The following RABEP1 variants were observed in gnomAD, a reference collection of about 807,000 sequenced individuals.
The protein encoded by RABEP1 is rab GTPase-binding effector protein 1.
In RABEP1, 51 loss-of-function variants were observed where a neutral mutation model predicts 123.4. The ratio of observed to expected loss-of-function variants is 0.41; its 90% CI spans 0.33 to 0.52. The LOEUF (loss-of-function observed/expected upper bound fraction) is 0.52. Among genes scored for constraint, RABEP1 ranks in the 20% least tolerant of loss-of-function variants. RABEP1 has a pLI of 0.16. For missense variants in RABEP1, 888 were observed against 996.3 expected (o/e 0.89, Z 1.46); for synonymous variants, 347 against 355.2 (o/e 0.98, Z 0.26).
intron 8 of RABEP1, among the ~76,000 whole-genome samples, chr17:5,359,738 G>C (rs1279685178): frequency 6.6e-6 from 1 of 152,016 alleles, no homozygotes; most frequent in African/African-American, 2.4e-5. Flanking sequence ...GTATTCCACA[G>C]TCTCCTCTGG....
At chr17:5,343,924 C>T (rs1252677692) in intron 5 of RABEP1, among the ~76,000 whole-genome samples, 5 of 151,988 alleles carry the variant, frequency 3.3e-5, no homozygotes, top group Admixed American at 6.6e-5. Flanking sequence ...GATCCACTCA[C>T]CTTGGCCTCC....
intron 1 of RABEP1, among the ~76,000 whole-genome samples, chr17:5,303,700 G>T (rs957614508): frequency 1.7e-4 from 26 of 152,122 alleles, no homozygotes; most frequent in African/African-American, 6.3e-4. Context: ...AAAGGTTTTG[G>T]TCGTAGTAAA....
In RABEP1 at chr17:5,332,085, A is replaced by G. The variant is rs1906599398; in HGVS notation, c.300A>G (p.Gln100=). The change falls in exon 3 of 18, where the codon CAA becomes CAG. Residue 100 remains glutamine (Q), a synonymous_variant. Coordinates refer to ENST00000537505, the MANE Select transcript of RABEP1 (RefSeq NM_004703.6). ...CCACAGTCTCTGAGAACACCAAGCA[A>G]GAAGCTATAGATGAAGTGAAAAGAC... ...AIATVSENTK[Q]EAIDEVKRQW... The G allele has an allele frequency of 6.2e-7, 1 of 1,614,048 alleles. No homozygotes were observed. Among genetic ancestry groups the G allele is most frequent in the African/African-American group, 1.3e-5 (1 of 74,928 alleles).
intron 1 of RABEP1, among the ~76,000 whole-genome samples, chr17:5,304,043 A>G (rs1051240284): frequency 7.1e-6 from 1 of 140,814 alleles, no homozygotes; most frequent in Non-Finnish European, 1.6e-5. Flanking sequence ...TCAAAAAAAA[A>G]AAATAAATAA....
Position 5,383,105 on chromosome 17 carries a change from C to T in RABEP1, c.2488-17C>T, listed in dbSNP as rs769540197. The T allele has an allele frequency of 3.1e-6, 5 of 1,609,860 alleles. No individual in the cohort carries two copies. The highest frequency in any genetic ancestry group is 3.3e-4 in the Middle Eastern group (2 of 6,052). ...AGGCAGGAGCCACCTGTAGTTATCT[C>T]ACCATTGTTTCTCCAGGTGCAGTTA... On this transcript the variant is annotated splice_polypyrimidine_tract_variant and intron_variant, in intron 17 of 17. Coordinates refer to ENST00000537505, the MANE Select transcript of RABEP1 (RefSeq NM_004703.6).
chr17:5,287,147 G>T (rs1296266020), intron 1 of RABEP1, among the ~76,000 whole-genome samples: 1 of 152,208 alleles, frequency 6.6e-6, no homozygotes, highest in Non-Finnish European at 1.5e-5. Flanking sequence ...GGTGGAGGCA[G>T]ATCTTCTTGG....
At chr17:5,297,565 T>TA (rs1478025373) in intron 1 of RABEP1, among the ~76,000 whole-genome samples, 2 of 152,226 alleles carry the variant, frequency 1.3e-5, no homozygotes, top group Admixed American at 6.5e-5. Context: ...ATCAATAGGT[T>TA]AGCTTAATCT....
chr17:5,360,099 C>T (rs536586039), intron 8 of RABEP1, among the ~76,000 whole-genome samples: 2 of 152,202 alleles, frequency 1.3e-5, no homozygotes, highest in Non-Finnish European at 2.9e-5. Context: ...AGTCACTCGC[C>T]ATTTTCCCTT....
chr17:5,382,573 G>T (rs536957966), intron 17 of RABEP1, among the ~76,000 whole-genome samples: 2 of 150,602 alleles, frequency 1.3e-5, no homozygotes, highest in African/African-American at 4.9e-5. Flanking sequence ...ACAATATGGT[G>T]AAACCCCGTC....
At chr17:5,379,803 C>G (rs755585838) in intron 15 of RABEP1, among the ~76,000 whole-genome samples, 1 of 152,124 alleles carries the variant, frequency 6.6e-6, no homozygotes, top group Non-Finnish European at 1.5e-5. Context: ...GTGGAAAGCC[C>G]TCCCGTAGTT....
chr17:5,297,978 C>A (rs899651939), intron 1 of RABEP1, among the ~76,000 whole-genome samples: 1 of 152,234 alleles, frequency 6.6e-6, no homozygotes, highest in African/African-American at 2.4e-5. Context: ...CTTAAGACTT[C>A]TCTTTCCTCT....
intron 1 of RABEP1, among the ~76,000 whole-genome samples, chr17:5,286,787 TAA>T (rs2074982528): frequency 6.6e-6 from 1 of 152,166 alleles, no homozygotes; most frequent in African/African-American, 2.4e-5. Flanking sequence ...AAACGGATAT[TAA>T]ACAACAAACG....
At chr17:5,355,130 C>T (rs1269298125) in intron 8 of RABEP1, among the ~76,000 whole-genome samples, 1 of 152,216 alleles carries the variant, frequency 6.6e-6, no homozygotes. Context: ...TTAAGTGCAG[C>T]TGCAGTCAGG....
intron 3 of RABEP1, among the ~76,000 whole-genome samples, chr17:5,332,653 G>A (rs1380076496): frequency 7.0e-6 from 1 of 142,788 alleles, no homozygotes; most frequent in East Asian, 2.0e-4. Context: ...AGCTTGGAGT[G>A]CAGTGGCGCA....
chr17:5,368,656 T>G (rs1276110593), intron 12 of RABEP1, among the ~76,000 whole-genome samples, 188 bp downstream of exon 12: 1 of 152,236 alleles, frequency 6.6e-6, no homozygotes, highest in Non-Finnish European at 1.5e-5. Flanking sequence ...TTAAACCTAC[T>G]TTCTGGCCAA....
At chr17:5,282,749 G>A (rs2074939561) in intron 1 of RABEP1, among the ~76,000 whole-genome samples, 1 of 150,336 alleles carries the variant, frequency 6.7e-6, no homozygotes, top group Admixed American at 6.6e-5. Context: ...CTTGCGGGAG[G>A]GCAGAGGGAA....
At chr17:5,336,741 C>A (rs921174005) in intron 4 of RABEP1, 19 of 226,608 alleles carry the variant, frequency 8.4e-5, no homozygotes, top group Non-Finnish European at 1.3e-4. Flanking sequence ...TATCAGATGA[C>A]CTTTATAAGC....
intron 1 of RABEP1, among the ~76,000 whole-genome samples, chr17:5,289,517 TCATTTTCAACA>T (rs1029218460): frequency 2.0e-5 from 3 of 151,692 alleles, no homozygotes; most frequent in Admixed American, 2.0e-4. Flanking sequence ...AAAAACCTTA[TCATTTTCAACA>T]CTTGTGGTTT....
intron 11 of RABEP1, among the ~76,000 whole-genome samples, chr17:5,365,736 C>A (rs1909953105): frequency 6.6e-6 from 1 of 152,194 alleles, no homozygotes; most frequent in South Asian, 2.1e-4. Flanking sequence ...ACTTGTAACA[C>A]CATTAGATTA....
Sources: gnomAD v4.1 joint callset for allele counts (sites outside exome capture counted in the v4.1 genomes callset) on GRCh38, gnomAD v4.1.1 for gene constraint, MANE v1.5 for transcripts, NCBI Gene and HGNC (gene_info 2026-07-23, HGNC 2026-07-21) for gene names.